COL23A1: variants seen among roughly 807,000 people sequenced by gnomAD.
The protein encoded by COL23A1 is collagen alpha-1(XXIII) chain.
COL23A1 carries 97 observed loss-of-function variants against 99.3 expected under a neutral mutation model. The observed-to-expected ratio is 0.98, with a 90% confidence interval of 0.83 to 1.16. The LOEUF (loss-of-function observed/expected upper bound fraction) is 1.16, where lower values mean the gene tolerates loss of function less well. COL23A1 is among the 50% of genes most tolerant of loss of function. The pLI, the probability that COL23A1 is intolerant of heterozygous loss-of-function variation, is 0.00. For synonymous variants in COL23A1, 320 were observed against 308.2 expected, an observed-to-expected ratio of 1.04 and a Z score of -0.40; for missense variants, 762 against 757.4, an observed-to-expected ratio of 1.01 and a Z score of -0.07.
rs900757011 is a variant in COL23A1, at chr5:178,309,059, G to T, written c.362-2140C>A. 6.6e-6 allele frequency among the ~76,000 whole-genome samples: 1 copy of T among 152,206 alleles called. No homozygotes were observed. Among genetic ancestry groups the T allele is most frequent in the African/African-American group, 2.4e-5 (1 of 41,466 alleles). ...GGGGGCATGGCAGGAAAGGGGCCAG[G>T]AATGGGGGAAGTAGCCAGACTCTGC... is the stretch of plus-strand genomic sequence containing the variant. On this transcript the variant is annotated intron_variant, in intron 2 of 28. Coordinates refer to ENST00000390654, the MANE Select transcript of COL23A1 (RefSeq NM_173465.4). The surrounding 1 kb of genome is among the most constrained non-coding windows in gnomAD (Gnocchi z 4.7).
intron 25 of COL23A1, among the ~76,000 whole-genome samples, chr5:178,244,551 A>C (rs1349623419): frequency 6.6e-6 from 1 of 152,166 alleles, no homozygotes; most frequent in Non-Finnish European, 1.5e-5. Flanking sequence ...CTCTGGAGTC[A>C]AATTTTCTTT....
chr5:178,572,944 AACCAG>A (rs1367873527), intron 1 of COL23A1, among the ~76,000 whole-genome samples: 5 of 152,258 alleles, frequency 3.3e-5, no homozygotes, highest in Non-Finnish European at 7.3e-5. Flanking sequence ...GAGTGAAAGA[AACCAG>A]ACGAACAAAG....
intron 2 of COL23A1, among the ~76,000 whole-genome samples, chr5:178,400,250 A>C (rs1364151298): frequency 2.0e-5 from 3 of 151,488 alleles, no homozygotes; most frequent in Non-Finnish European, 2.9e-5. Context: ...GCCTGTAGCC[A>C]CAGCTACTGG....
chr5:178,266,198 AC>A (rs1485516540), intron 8 of COL23A1, among the ~76,000 whole-genome samples: 1 of 151,678 alleles, frequency 6.6e-6, no homozygotes, highest in Non-Finnish European at 1.5e-5. Context: ...ACACCTCCAC[AC>A]CCGGCTAATT....
chr5:178,320,300 T>C (rs1279297607), intron 2 of COL23A1, among the ~76,000 whole-genome samples: 1 of 152,168 alleles, frequency 6.6e-6, no homozygotes, highest in Admixed American at 6.5e-5. Flanking sequence ...CCCAAGGTGT[T>C]GGGTCCCCAG....
intron 2 of COL23A1, among the ~76,000 whole-genome samples, chr5:178,360,181 A>G (rs1459367243): frequency 6.6e-6 from 1 of 152,178 alleles, no homozygotes; most frequent in Non-Finnish European, 1.5e-5. Context: ...ATTCTTCGCC[A>G]GACCAAGCAC....
chr5:178,247,907 C>T (rs1287546402), intron 20 of COL23A1, 76 bp from the exon 21 acceptor site: 1 of 1,301,170 alleles, frequency 7.7e-7, no homozygotes, highest in African/African-American at 1.5e-5. Flanking sequence ...TCATCGCACA[C>T]TGCTGGATCG....
intron 2 of COL23A1, among the ~76,000 whole-genome samples, chr5:178,536,202 C>A (rs645789): frequency 0.5 from 76,522 of 151,968 alleles, 19,668 homozygotes; most frequent in Non-Finnish European, 0.57. Context: ...CGGCTGGGGA[C>A]GCGGCTCATG....
chr5:178,383,049 G>T (rs1156736233), intron 2 of COL23A1, among the ~76,000 whole-genome samples: 1 of 152,156 alleles, frequency 6.6e-6, no homozygotes. Context: ...GGGTGTCTGT[G>T]ATCAGGGCTG....
At chr5:178,456,453 C>T (rs961431897) in intron 2 of COL23A1, among the ~76,000 whole-genome samples, 4 of 152,198 alleles carry the variant, frequency 2.6e-5, no homozygotes, top group Admixed American at 1.3e-4. Flanking sequence ...AATCCCAGCA[C>T]TTTGAGAGGC....
intron 2 of COL23A1, among the ~76,000 whole-genome samples, chr5:178,397,659 A>C (rs1303944563): frequency 6.6e-6 from 1 of 152,234 alleles, no homozygotes; most frequent in African/African-American, 2.4e-5. Flanking sequence ...TGTGATGCGA[A>C]TCCACTGCAA....
chr5:178,437,815 C>G (rs1340049916), intron 2 of COL23A1, among the ~76,000 whole-genome samples: 1 of 152,188 alleles, frequency 6.6e-6, no homozygotes, highest in Non-Finnish European at 1.5e-5. Context: ...AGAAGCAAAC[C>G]CAGTCCTGGA....
chr5:178,247,431 G>T, intron 22 of COL23A1, 95 bp downstream of exon 22: 2 of 1,395,730 alleles, frequency 1.4e-6, no homozygotes, highest in South Asian at 1.2e-5. Flanking sequence ...GGCCAGGGCG[G>T]AGCGTCAGGC....
At chr5:178,371,943 A>G (rs143183982) in intron 2 of COL23A1, among the ~76,000 whole-genome samples, 90 of 152,358 alleles carry the variant, frequency 5.9e-4, no homozygotes, top group African/African-American at 2.1e-3. Context: ...ATTTTAGAAA[A>G]GAAAAATTGA....
intron 2 of COL23A1, among the ~76,000 whole-genome samples, chr5:178,406,059 C>T (rs190086828): frequency 2.0e-3 from 311 of 152,206 alleles, no homozygotes; most frequent in African/African-American, 5.2e-3. Context: ...GCTGAGATTG[C>T]GCCACTGCAC....
chr5:178,585,274 G>A (rs1169440035), intron 1 of COL23A1, among the ~76,000 whole-genome samples: 2 of 152,102 alleles, frequency 1.3e-5, no homozygotes, highest in Admixed American at 6.6e-5. Context: ...AACATTCCAT[G>A]GCCCCAGCAG....
At chr5:178,470,270 G>A (rs574842896) in intron 2 of COL23A1, among the ~76,000 whole-genome samples, 3 of 152,332 alleles carry the variant, frequency 2.0e-5, no homozygotes, top group South Asian at 2.1e-4. Context: ...GTCCGCTACC[G>A]TGAGCTCTTG....
At chr5:178,540,752 T>A (rs1188380736) in intron 2 of COL23A1, among the ~76,000 whole-genome samples, 1 of 152,044 alleles carries the variant, frequency 6.6e-6, no homozygotes, top group Non-Finnish European at 1.5e-5. Context: ...TGAGACTCCA[T>A]CTCTACAAAA....
At chr5:178,266,128 C>T (rs1755882079) in intron 8 of COL23A1, among the ~76,000 whole-genome samples, 1 of 152,098 alleles carries the variant, frequency 6.6e-6, no homozygotes, top group South Asian at 2.1e-4. Flanking sequence ...GCAACCTCTG[C>T]CTCCTGGGTT....
Sources: gnomAD v4.1 joint callset for allele counts (sites outside exome capture counted in the v4.1 genomes callset) on GRCh38, gnomAD v4.1.1 for gene constraint, Gnocchi (gnomAD v3.1) non-coding constraint, MANE v1.5 for transcripts, NCBI Gene and HGNC (gene_info 2026-07-23, HGNC 2026-07-21) for gene names.